The following ESPL1 variants were observed in gnomAD, a reference collection of about 807,000 sequenced individuals.
The protein encoded by ESPL1 is separin.
ESPL1 carries 50 observed loss-of-function variants against 217.2 expected under a neutral mutation model. The observed-to-expected ratio is 0.23, with a 90% CI of 0.18 to 0.29. ESPL1 has a LOEUF of 0.29. ESPL1 is among the 10% of genes least tolerant of loss of function. The pLI, the probability that ESPL1 is intolerant of heterozygous loss-of-function variation, is 1.00. For missense variants in ESPL1, 1,834 were observed against 2,603.0 expected (o/e 0.70, Z 6.43); for synonymous variants, 994 against 1,081.3 (o/e 0.92, Z 1.58).
chr12:53,271,172 G>GCTT lies in ESPL1; in HGVS notation c.1369+374_1369+375insCTT, dbSNP rs371461220. On this transcript the variant is annotated intron_variant, in intron 5 of 30. Coordinates refer to ENST00000257934, the MANE Select transcript of ESPL1 (RefSeq NM_012291.5). ...AAATGACCTTTCTGTATATTTAAGTGTTTTTTTTTTTTTTTTTTTGAGACA... is the reference window on the plus strand; with the variant it reads ...AAATGACCTTTCTGTATATTTAAGTGCTTTTTTTTTTTTTTTTTTTTTGAGACA... Among the ~76,000 whole-genome samples, 2 of 117,754 alleles carry GCTT rather than the reference G, an allele frequency of 1.7e-5. 1 individual carries two copies. Among genetic ancestry groups the GCTT allele is most frequent in the Non-Finnish European group, 3.3e-5 (2 of 60,364 alleles). The allele number at this position is 117,754 out of a possible 152,430, so 77.3% of individuals were successfully genotyped here.
rs1244539057 is a variant in ESPL1 at position 53,275,630 on chromosome 12, G to A, written c.1700+620G>A. Among the ~76,000 whole-genome samples, 7 of 152,168 alleles carry A rather than the reference G, an allele frequency of 4.6e-5. No individual in the cohort carries two copies. The South Asian group carries it at 1.2e-3, about 27-fold the overall frequency. On this transcript the variant is annotated intron_variant, in intron 7 of 30. Transcript: ENST00000257934. ...GTATGCTAGCCACTGTGCTACTTGG[G>A]GGGTATAGTGGTGACAGTGGTCTTG... is the stretch of plus-strand genomic sequence containing the variant.
intron 15 of ESPL1, 56 bp downstream of exon 15, chr12:53,283,313 G>T (rs1234866767): frequency 2.5e-6 from 4 of 1,610,892 alleles, no homozygotes; most frequent in African/African-American, 2.7e-5. Context: ...ATGTGAGAGG[G>T]CTGCGGTTTT....
intron 12 of ESPL1, among the ~76,000 whole-genome samples, chr12:53,280,137 A>G (rs1943837522): frequency 6.6e-6 from 1 of 152,128 alleles, no homozygotes; most frequent in South Asian, 2.1e-4. Context: ...CTGTTGCCCT[A>G]GTTGATGCTT....
Position 53,283,549 on chromosome 12 carries a change from G to A in ESPL1, c.3077+11G>A. 1 of 1,611,224 alleles carries A rather than the reference G, an allele frequency of 6.2e-7. No individual in the cohort carries two copies. Among genetic ancestry groups the A allele is most frequent in the Non-Finnish European group, 8.5e-7 (1 of 1,178,806 alleles). ...GCAGATACCACGCCAGTAAGTACAG[G>A]GCCAGAGGATATGGCAATGATGGCA... On this transcript the variant is annotated intron_variant, in intron 16 of 30. Transcript: ENST00000257934.
At position 53,269,530 on chromosome 12, in the gene ESPL1, T is replaced by C. The variant is rs765207988; in HGVS notation, c.588T>C (p.Cys196=). 1.2e-6 allele frequency: 2 copies of C among 1,614,232 alleles called. No homozygotes were observed. The highest frequency in any genetic ancestry group is 1.6e-4 in the Middle Eastern group (1 of 6,062). The change falls in exon 3 of 31, where the codon TGT becomes TGC. Residue 196 remains cysteine, a synonymous_variant. Transcript: ENST00000257934. This position sits in a 1 kb window ranked among gnomAD's most constrained non-coding sequence, Gnocchi z 6.7. ...CTCACTTTGCTTCTCCAACAGCCTG[T>C]CGAGCGGTAGCTGCCCATCAGCTAT... ...EVPHFASPTA[C]RAVAAHQLFD... is the part of the protein sequence containing the mutation.
intron 6 of ESPL1, among the ~76,000 whole-genome samples, 179 bp from the exon 7 acceptor site, chr12:53,274,638 A>G (rs1251689085): frequency 6.6e-6 from 1 of 152,144 alleles, no homozygotes; most frequent in Non-Finnish European, 1.5e-5. Flanking sequence ...TCTGAGTTGA[A>G]GGCACTCAGA....
rs943840634 is a variant in ESPL1, at chr12:53,282,023, C to T, written c.2620-241C>T. On this transcript the variant is annotated intron_variant, in intron 13 of 30. Coordinates refer to ENST00000257934, the MANE Select transcript of ESPL1 (RefSeq NM_012291.5). The surrounding 1 kb of genome is among the most constrained non-coding windows in gnomAD (Gnocchi z 4.0). ...GTTTCTTCTCTACGTTTTTATCATT[C>T]CTAAATTGGCGGACAAGTCACTGGT... Among the ~76,000 whole-genome samples the T allele has an allele frequency of 6.6e-6, 1 of 152,130 alleles. No individual in the cohort carries two copies. Among genetic ancestry groups the T allele is most frequent in the Admixed American group, 6.6e-5 (1 of 15,262 alleles).
intron 22 of ESPL1, 82 bp from the exon 23 acceptor site, chr12:53,290,003 G>A: frequency 6.6e-7 from 1 of 1,511,886 alleles, no homozygotes; most frequent in Non-Finnish European, 9.0e-7. Context: ...TGGCTTGAGT[G>A]ATGGATAGGA....
chr12:53,288,089 C>G lies in ESPL1; in HGVS notation c.4294C>G (p.Leu1432Val), dbSNP rs1943982299. Residue 1432 changes from leucine (L) to valine (V), a missense_variant, in exon 19 of 31, where the codon CTG becomes GTG. Physicochemically the swap from Leu to Val is conservative, Grantham distance 32. Transcript: ENST00000257934. The part of the protein sequence containing the change: ...SRGRGRARKG[L>V]SLKTDAVVAP... Reference sequence around the variant, plus strand: ...GGGCCGGGGGCGAGCAAGGAAGGGCCTGAGCCTAAAGACGGATGCCGTGGT... The same window carrying G: ...GGGCCGGGGGCGAGCAAGGAAGGGCGTGAGCCTAAAGACGGATGCCGTGGT... 6.2e-7 allele frequency: 1 copy of G among 1,613,680 alleles called. No homozygotes were observed. Among genetic ancestry groups the G allele is most frequent in the Non-Finnish European group, 8.5e-7 (1 of 1,179,984 alleles).
In ESPL1 at chr12:53,282,399, C is replaced by T; in HGVS notation, c.2755C>T (p.Leu919Phe). The change falls in exon 14 of 31, where the codon CTC becomes TTC. Residue 919 changes from leucine (L) to phenylalanine (F), a missense_variant. Physicochemically the swap from Leu to Phe is conservative, Grantham distance 22. This residue lies in a region of ESPL1 where 107 missense variants were observed against 171.7 expected (regional missense o/e 0.62). Transcript: ENST00000257934. This position sits in a 1 kb window ranked among gnomAD's most constrained non-coding sequence, Gnocchi z 4.0. Reference protein sequence around the residue: ...AAYLSLPSNNLSHSLWEQLCA... With the variant: ...AAYLSLPSNNFSHSLWEQLCA... ...TTACCTTAGCCTCCCGTCAAACAACCTCTCACACTCCCTGTGGGAGCAGCT... is the reference window on the plus strand; with the variant it reads ...TTACCTTAGCCTCCCGTCAAACAACTTCTCACACTCCCTGTGGGAGCAGCT... The T allele has an allele frequency of 1.2e-6, 2 of 1,614,176 alleles. No homozygotes were observed. The highest frequency in any genetic ancestry group is 1.6e-4 in the Middle Eastern group (1 of 6,062).
chr12:53,279,602 C>T (rs1476634287), intron 11 of ESPL1, 130 bp from the exon 12 acceptor site: 1 of 1,039,830 alleles, frequency 9.6e-7, no homozygotes, highest in Non-Finnish European at 1.4e-6. Context: ...ATTGCTTCAT[C>T]TGGGTAACTA....
chr12:53,276,170 T>C (rs927813188), intron 7 of ESPL1, among the ~76,000 whole-genome samples: 1 of 152,066 alleles, frequency 6.6e-6, no homozygotes, highest in Non-Finnish European at 1.5e-5. Context: ...ATCACGCTAT[T>C]GCACTCCAGC....
intron 6 of ESPL1, 40 bp downstream of exon 6, chr12:53,272,897 G>A: frequency 6.2e-7 from 1 of 1,607,414 alleles, no homozygotes; most frequent in South Asian, 1.1e-5. Flanking sequence ...AGCTTATGTG[G>A]TTGGGGAGCG....
chr12:53,268,546 G>A, intron 1 of ESPL1, 169 bp downstream of exon 1: 1 of 550,608 alleles, frequency 1.8e-6, no homozygotes, highest in South Asian at 2.1e-5. Flanking sequence ...AGCGCGGCGA[G>A]TGGTGTGGTA....
At position 53,268,701 on chromosome 12, in the gene ESPL1, T is replaced by G; in HGVS notation, c.-12-54T>G. On this transcript the variant is annotated intron_variant, in intron 1 of 30. Transcript: ENST00000257934. ...TTCCACGACCTTCAGCCCTCTTCCCTTCCTCCAGTTAGCTTCATTAACAAT... is the reference window on the plus strand; with the variant it reads ...TTCCACGACCTTCAGCCCTCTTCCCGTCCTCCAGTTAGCTTCATTAACAAT... 4 of 1,108,012 alleles carry G rather than the reference T, an allele frequency of 3.6e-6. No homozygotes were observed. In the South Asian group the frequency reaches 5.4e-5, roughly 15 times the overall value. 68.6% of individuals were successfully genotyped at this position (1,108,012 alleles called of 1,614,324 possible).
Position 53,293,518 on chromosome 12 carries a change from T to G in ESPL1, c.*44T>G. 7.0e-7 allele frequency: 1 copy of G among 1,419,380 alleles called. No homozygotes were observed. The highest frequency in any genetic ancestry group is 1.0e-6 in the Non-Finnish European group (1 of 1,004,676). 87.9% of individuals were successfully genotyped at this position (1,419,380 alleles called of 1,614,324 possible). A position where few individuals can be genotyped will look rare whatever the true frequency, so the allele number is the denominator to read the frequency against. On this transcript the variant is annotated 3_prime_UTR_variant, in exon 31 of 31. Transcript: ENST00000257934. The surrounding 1 kb of genome is among the most constrained non-coding windows in gnomAD (Gnocchi z 4.2). ...TTGATGCTAGAAGCCTCATAACTGT[T>G]CTACCTCCAAGGTTAGATTTAATCC... is the stretch of plus-strand genomic sequence containing the variant.
intron 5 of ESPL1, among the ~76,000 whole-genome samples, chr12:53,271,367 G>A (rs1052100979): frequency 4.0e-5 from 6 of 151,288 alleles, no homozygotes; most frequent in Non-Finnish European, 7.4e-5. Context: ...GACTGCAGGC[G>A]CGCACCACTA....
At chr12:53,274,542 C>A in intron 6 of ESPL1, 1 of 328,670 alleles carries the variant, frequency 3.0e-6, no homozygotes, top group Non-Finnish European at 5.7e-6. Context: ...CAGGAGAAGG[C>A]AGTGCCATTT....
chr12:53,276,725 A>G lies in ESPL1; in HGVS notation c.1806A>G (p.Glu602=). The G allele has an allele frequency of 6.2e-7, 1 of 1,613,480 alleles. No individual in the cohort carries two copies. Among genetic ancestry groups the G allele is most frequent in the Non-Finnish European group, 8.5e-7 (1 of 1,180,000 alleles). ...CGGTGCGGGCCGACACTGGACAGGA[A>G]CGCTTCAACATCATCTGTGACCTCC... ...YKAVRADTGQ[E]RFNIICDLLE... The change falls in exon 8 of 31, where the codon GAA becomes GAG. Residue 602 remains glutamate, a synonymous_variant. Transcript: ENST00000257934.
Sources: allele counts gnomAD v4.1 joint callset (sites outside exome capture counted in the v4.1 genomes callset), GRCh38; gene constraint gnomAD v4.1.1; regional missense constraint gnomAD v4.1.1; non-coding constraint Gnocchi (gnomAD v3.1); transcripts MANE v1.5; gene names NCBI Gene and HGNC (gene_info 2026-07-23, HGNC 2026-07-21).